SELENOI: variants seen among roughly 807,000 people sequenced by gnomAD.
SELENOI encodes the protein ethanolaminephosphotransferase 1.
A neutral mutation model predicts 50.7 loss-of-function variants in SELENOI; 24 were observed. That is an observed-to-expected ratio of 0.47 (90% confidence interval 0.34 to 0.67). The LOEUF (loss-of-function observed/expected upper bound fraction) is 0.67, where lower values mean the gene tolerates loss of function less well. Among genes scored for constraint, SELENOI ranks in the 30% least tolerant of loss-of-function variants. The pLI is 0.01. For synonymous variants in SELENOI, 155 were observed against 170.2 expected (o/e 0.91, Z 0.70); for missense variants, 352 against 461.4 (o/e 0.76, Z 2.17).
chr2:26,386,479 C>G lies in SELENOI; in HGVS notation c.1038C>G (p.Leu346=), dbSNP rs779954494. ...LGVASYVESI[L]LYTLTTAFTL... is the part of the protein sequence containing the mutation. ...TAGCCTCTTACGTTGAGAGCATTCT[C>G]CTGTATACATTAACAACTGCTTTTA... Residue 346 remains leucine, a synonymous_variant, in exon 9 of 10, where the codon CTC becomes CTG. Coordinates refer to ENST00000260585, the MANE Select transcript of SELENOI (RefSeq NM_033505.4). 3.1e-6 allele frequency: 5 copies of G among 1,613,714 alleles called. No homozygotes were observed. Among genetic ancestry groups the G allele is most frequent in the Non-Finnish European group, 4.2e-6 (5 of 1,179,816 alleles).
intron 9 of SELENOI, among the ~76,000 whole-genome samples, chr2:26,387,390 C>T (rs1040120344): frequency 1.3e-5 from 2 of 151,952 alleles, no homozygotes; most frequent in East Asian, 1.9e-4. Flanking sequence ...AGATTTTCAC[C>T]ATTATAAATA....
intron 1 of SELENOI, among the ~76,000 whole-genome samples, chr2:26,360,159 A>G (rs1677144966): frequency 6.6e-6 from 1 of 152,210 alleles, no homozygotes; most frequent in Non-Finnish European, 1.5e-5. Flanking sequence ...AAAAGTCTGC[A>G]TTTTATCTTT....
chr2:26,386,471 A>C lies in SELENOI; in HGVS notation c.1030A>C (p.Ser344Arg). 2 of 1,613,852 alleles carry C rather than the reference A, an allele frequency of 1.2e-6. No individual in the cohort carries two copies. Among genetic ancestry groups the C allele is most frequent in the South Asian group, 1.1e-5 (1 of 91,078 alleles). Residue 344 changes from serine to arginine, a missense_variant, in exon 9 of 10, where the codon AGC becomes CGC. Coordinates refer to ENST00000260585, the MANE Select transcript of SELENOI (RefSeq NM_033505.4). ...VNLGVASYVE[S>R]ILLYTLTTAF... ...CCTAGGAGTAGCCTCTTACGTTGAG[A>C]GCATTCTCCTGTATACATTAACAAC... is the stretch of plus-strand genomic sequence containing the variant.
chr2:26,360,989 TG>T (rs1553335916), intron 1 of SELENOI, among the ~76,000 whole-genome samples: 1 of 152,116 alleles, frequency 6.6e-6, no homozygotes, highest in Non-Finnish European at 1.5e-5. Context: ...CCAAGGTGGG[TG>T]GGTCACGAGG....
chr2:26,379,379 G>A (rs923404444), intron 6 of SELENOI, among the ~76,000 whole-genome samples: 63 of 152,136 alleles, frequency 4.1e-4, no homozygotes, highest in African/African-American at 1.5e-3. Context: ...CTTAGATTCT[G>A]CGTTTTCCTG....
rs1166866602 is a variant in SELENOI, at chr2:26,393,616, C to T, written c.*4513C>T. On this transcript the variant is annotated 3_prime_UTR_variant, in exon 10 of 10. Transcript: ENST00000260585. ...CTAGGAAAATCCACTTGGACTGCAG[C>T]AGGATTGTTCTGGTCTTCCACAGAC... The T allele has an allele frequency of 1.3e-5, 2 of 152,202 alleles. No homozygotes were observed. Among genetic ancestry groups the T allele is most frequent in the Non-Finnish European group, 2.9e-5 (2 of 68,044 alleles). The allele number at this position is 152,202 out of a possible 1,614,324, so 9.4% of individuals were successfully genotyped here.
intron 2 of SELENOI, among the ~76,000 whole-genome samples, 182 bp from the exon 3 acceptor site, chr2:26,364,650 A>T (rs1677249593): frequency 6.6e-6 from 1 of 152,232 alleles, no homozygotes; most frequent in Non-Finnish European, 1.5e-5. Context: ...AGTTAGTTAA[A>T]AAATAGAGGA....
At chr2:26,360,527 A>G (rs1209142694) in intron 1 of SELENOI, among the ~76,000 whole-genome samples, 1 of 152,228 alleles carries the variant, frequency 6.6e-6, no homozygotes, top group Non-Finnish European at 1.5e-5. Flanking sequence ...AAATTATGGA[A>G]AGCTGCTGAA....
At chr2:26,377,553 G>A (rs1677594019) in intron 6 of SELENOI, among the ~76,000 whole-genome samples, 1 of 151,946 alleles carries the variant, frequency 6.6e-6, no homozygotes, top group Admixed American at 6.6e-5. Flanking sequence ...GATCACTTGA[G>A]CCCAGGAAGT....
In SELENOI at chr2:26,367,238, A is replaced by T. The variant is rs1233107928; in HGVS notation, c.310+18A>T. 3.1e-5 allele frequency: 49 copies of T among 1,587,044 alleles called. No homozygotes were observed. Among genetic ancestry groups the T allele is most frequent in the Non-Finnish European group, 4.2e-5 (49 of 1,162,202 alleles). ...CACTCTAGGTAAGGAATTGGTAAAT[A>T]CTTACTATAGTCAGTGACTGGTGAA... On this transcript the variant is annotated intron_variant, in intron 4 of 9. Coordinates refer to ENST00000260585, the MANE Select transcript of SELENOI (RefSeq NM_033505.4).
At chr2:26,355,790 G>A (rs1484884062) in intron 1 of SELENOI, among the ~76,000 whole-genome samples, 1 of 151,296 alleles carries the variant, frequency 6.6e-6, no homozygotes, top group Non-Finnish European at 1.5e-5. Context: ...GCTTAGGCTG[G>A]AGTGCAGTGG....
At chr2:26,351,998 G>T (rs149933295) in intron 1 of SELENOI, among the ~76,000 whole-genome samples, 143 of 152,202 alleles carry the variant, frequency 9.4e-4, no homozygotes, top group African/African-American at 3.4e-3. Context: ...AAAATTAGCC[G>T]GGTGTTATGG....
intron 6 of SELENOI, among the ~76,000 whole-genome samples, chr2:26,379,842 A>T (rs1677647869): frequency 6.6e-6 from 1 of 152,178 alleles, no homozygotes; most frequent in Non-Finnish European, 1.5e-5. Context: ...TCTCCTTTAA[A>T]CTATGACAAA....
At chr2:26,365,000 T>C in intron 3 of SELENOI, 60 bp downstream of exon 3, 1 of 1,235,992 alleles carries the variant, frequency 8.1e-7, no homozygotes, top group Non-Finnish European at 1.1e-6. Context: ...ATGTGGATGC[T>C]TATTTTCTGG....
intron 9 of SELENOI, among the ~76,000 whole-genome samples, chr2:26,388,142 T>C (rs1159820282): frequency 1.3e-5 from 2 of 152,218 alleles, no homozygotes; most frequent in Non-Finnish European, 2.9e-5. Flanking sequence ...AATGTAACCT[T>C]ATATACCTTA....
intron 1 of SELENOI, among the ~76,000 whole-genome samples, chr2:26,349,932 CAAAAAAAAAAAAAA>C (rs70950184): frequency 1.8e-5 from 1 of 55,286 alleles, no homozygotes. Context: ...CTCATCTCCA[CAAAAAAAAAAAAAA>C]AAAAAAAAAA....
In SELENOI at chr2:26,392,866, C is replaced by T. The variant is rs1026710038; in HGVS notation, c.*3763C>T. 2.0e-5 allele frequency: 3 copies of T among 152,204 alleles called. No individual in the cohort carries two copies. The highest frequency in any genetic ancestry group is 4.4e-5 in the Non-Finnish European group (3 of 68,036). The allele number at this position is 152,204 out of a possible 1,614,324, so 9.4% of individuals were successfully genotyped here. A position where few individuals can be genotyped will look rare whatever the true frequency, so the allele number is the denominator to read the frequency against. On this transcript the variant is annotated 3_prime_UTR_variant, in exon 10 of 10. Transcript: ENST00000260585. The stretch of plus-strand genomic sequence containing the variant: ...TGAGGTGTCTTTGTAAGTCAGCATG[C>T]TCTTGCTTGAACACCCTGTGGGTGA...
intron 4 of SELENOI, among the ~76,000 whole-genome samples, chr2:26,373,016 G>T (rs1022687491): frequency 1.3e-5 from 2 of 152,140 alleles, no homozygotes; most frequent in African/African-American, 2.4e-5. Context: ...AGCCTCCTGA[G>T]TAGCAGGAAC....
intron 1 of SELENOI, among the ~76,000 whole-genome samples, chr2:26,363,361 G>A (rs914109153): frequency 2.0e-5 from 3 of 152,196 alleles, no homozygotes; most frequent in African/African-American, 4.8e-5. Context: ...TATCGTAATA[G>A]TATCAAAAGG....
Sources: gnomAD v4.1 joint callset for allele counts (sites outside exome capture counted in the v4.1 genomes callset) on GRCh38, gnomAD v4.1.1 for gene constraint, MANE v1.5 for transcripts, NCBI Gene and HGNC (gene_info 2026-07-23, HGNC 2026-07-21) for gene names.